JMJD6: variants seen among roughly 807,000 people sequenced by gnomAD.
JMJD6 encodes the protein jumonji domain containing 6, arginine demethylase and lysine hydroxylase.
A neutral mutation model predicts 45.8 loss-of-function variants in JMJD6; 17 were observed. That is an observed-to-expected ratio of 0.37 (90% CI 0.25 to 0.56). JMJD6 has a LOEUF of 0.56. Among genes scored for constraint, JMJD6 ranks in the 20% least tolerant of loss-of-function variants. The pLI, the probability that JMJD6 is intolerant of heterozygous loss-of-function variation, is 0.79. For missense variants in JMJD6, 470 were observed against 517.5 expected (o/e 0.91, Z 0.89); for synonymous variants, 221 against 196.3 (o/e 1.13, Z -1.05).
chr17:76,718,060 G>A (rs1197036103), downstream of JMJD6, among the ~76,000 whole-genome samples: 1 of 150,942 alleles, frequency 6.6e-6, no homozygotes, highest in Non-Finnish European at 1.5e-5. Flanking sequence ...CTACTTGGGA[G>A]GCTGAGGCAG....
downstream of JMJD6, among the ~76,000 whole-genome samples, chr17:76,717,990 C>A (rs1179582707): frequency 4.9e-5 from 7 of 141,740 alleles, no homozygotes; most frequent in East Asian, 2.1e-4. Flanking sequence ...GACTCTGTCT[C>A]AAAAAAAAAT....
intron 5 of JMJD6, 124 bp downstream of exon 5, chr17:76,720,236 A>T: frequency 2.3e-6 from 2 of 885,134 alleles, no homozygotes; most frequent in Non-Finnish European, 3.6e-6. Context: ...TGTAACCCTT[A>T]GAACAACGTG....
rs1377943890 is a variant in JMJD6, at chr17:76,725,576, AGCT to A, written c.406_408del (p.Ser136del). The A allele has an allele frequency of 6.2e-7, 1 of 1,614,012 alleles. No homozygotes were observed. The highest frequency in any genetic ancestry group is 1.1e-5 in the South Asian group (1 of 91,084). ...TTCCTTCTTTTAGGGTGTTCACCATAGCTGCTGTCAAAGATGTAAAGGGGACTA... is the reference window on the plus strand; with the variant it reads ...TTCCTTCTTTTAGGGTGTTCACCATAGCTGTCAAAGATGTAAAGGGGACTA... On this transcript the variant is annotated inframe_deletion, in exon 2 of 6. Coordinates refer to ENST00000397625, the MANE Select transcript of JMJD6 (RefSeq NM_015167.3).
chr17:76,714,851 G>C (rs2076753192), downstream of JMJD6: 1 of 152,174 alleles, frequency 6.6e-6, no homozygotes, highest in Non-Finnish European at 1.5e-5. Context: ...ATCTCACTAT[G>C]TTGCCCAGAC....
rs1455712626 is a variant in JMJD6 at position 76,718,771 on chromosome 17, G to A, written c.1170C>T (p.Ser390=). 9.9e-6 allele frequency: 16 copies of A among 1,614,098 alleles called. No homozygotes were observed. The highest frequency in any genetic ancestry group is 1.2e-5 in the Non-Finnish European group (14 of 1,180,042). Residue 390 remains serine, a synonymous_variant, in exon 6 of 6, where the codon TCC becomes TCT. Transcript: ENST00000397625. ...CSMVGNGDTT[S]QDDCVSKERS... The stretch of plus-strand genomic sequence containing the variant: ...GCTCTTTGCTGACACAGTCGTCCTG[G>A]GAGGTGGTGTCCCCGTTTCCCACCA...
At position 76,723,771 on chromosome 17, in the gene JMJD6, C is replaced by T; in HGVS notation, c.805+1G>A. 6.2e-7 allele frequency: 1 copy of T among 1,613,798 alleles called. No homozygotes were observed. ...TGTACTTTCTTCCAGTTCATCTATA[C>T]CTGGTACAAAGACAGTCTCTCCTGG... On this transcript the variant is annotated splice_donor_variant, in intron 3 of 5. Coordinates refer to ENST00000397625, the MANE Select transcript of JMJD6 (RefSeq NM_015167.3). LOFTEE classifies it high-confidence loss of function.
In JMJD6 at chr17:76,723,775, G is replaced by C. The variant is rs778790592; in HGVS notation, c.802C>G (p.Pro268Ala). ...CTTTCTTCCAGTTCATCTATACCTG[G>C]TACAAAGACAGTCTCTCCTGGTTTT... Reference protein sequence around the residue: ...LQKPGETVFVPGGWWHVVLNL... With the variant: ...LQKPGETVFVAGGWWHVVLNL... Residue 268 changes from proline (P) to alanine (A), a missense_variant, in exon 3 of 6, where the codon CCA (proline) becomes GCA (alanine). Physicochemically the swap from Pro to Ala is conservative, Grantham distance 27 (BLOSUM62 -1). This residue lies in a region of JMJD6 where 346 missense variants were observed against 339.5 expected (regional missense o/e 1.02). Coordinates refer to ENST00000397625, the MANE Select transcript of JMJD6 (RefSeq NM_015167.3). The C allele has an allele frequency of 6.8e-6, 11 of 1,613,898 alleles. No homozygotes were observed. Among genetic ancestry groups the C allele is most frequent in the Non-Finnish European group, 9.3e-6 (11 of 1,179,818 alleles).
exon 7 of JMJD6, chr17:76,713,005 TGCAGAAG>T (rs2076740765): frequency 1.3e-5 from 2 of 152,334 alleles, no homozygotes; most frequent in African/African-American, 4.8e-5. Context: ...GGCACGAGTG[TGCAGAAG>T]ACAGTCCCAG....
chr17:76,722,415 T>C (rs914855053), intron 3 of JMJD6, among the ~76,000 whole-genome samples: 22 of 152,218 alleles, frequency 1.4e-4, no homozygotes, highest in African/African-American at 4.8e-4. Context: ...AGTGCTATAC[T>C]GCATCAAAAA....
intron 1 of JMJD6, among the ~76,000 whole-genome samples, chr17:76,726,059 T>C (rs2143755952): frequency 6.6e-6 from 1 of 152,254 alleles, no homozygotes; most frequent in Non-Finnish European, 1.5e-5. Flanking sequence ...CCAGGTCCCC[T>C]AGGGGACCCG....
At chr17:76,721,386 A>AG in intron 4 of JMJD6, 1 of 388,942 alleles carries the variant, frequency 2.6e-6, no homozygotes, top group Non-Finnish European at 5.4e-6. Context: ...CTAAGTCTCC[A>AG]GGGCAGTCAC....
rs761089562 is a variant in JMJD6 at position 76,718,794 on chromosome 17, C to A, written c.1147G>T (p.Val383Leu). 6 of 1,614,144 alleles carry A rather than the reference C, an allele frequency of 3.7e-6. No individual in the cohort carries two copies. Among genetic ancestry groups the A allele is most frequent in the Non-Finnish European group, 5.1e-6 (6 of 1,180,062 alleles). Residue 383 changes from valine to leucine, a missense_variant, in exon 6 of 6, where the codon GTG becomes TTG. Val to Leu is a conservative substitution (Grantham distance 32, BLOSUM62 1). This residue lies in a region of JMJD6 where 21 missense variants were observed against 36.9 expected (regional missense o/e 0.57). Transcript: ENST00000397625. ...TGGGAGGTGGTGTCCCCGTTTCCCA[C>A]CATGCTGCACGTCCTCCTCTTCTTC... ...RRKKRRTCSM[V>L]GNGDTTSQDD...
At position 76,726,430 on chromosome 17, in the gene JMJD6, C is replaced by T. The variant is rs779934163; in HGVS notation, c.46G>A (p.Ala16Thr). The change falls in exon 1 of 6, where the codon GCG (alanine) becomes ACG (threonine). Residue 16 changes from alanine to threonine, a missense_variant. Physicochemically the swap from Ala to Thr is moderately conservative, Grantham distance 58 (BLOSUM62 0). This residue lies in a region of JMJD6 where 346 missense variants were observed against 339.5 expected (regional missense o/e 1.02). Transcript: ENST00000397625. Reference protein sequence around the residue: ...KKRIREAKRSARPELKDSLDW... With the variant: ...KKRIREAKRSTRPELKDSLDW... ...AGCGAGTCCTTGAGCTCCGGCCGCGCACTCCGCTTGGCCTCGCGGATGCGC... is the reference window on the plus strand; with the variant it reads ...AGCGAGTCCTTGAGCTCCGGCCGCGTACTCCGCTTGGCCTCGCGGATGCGC... 3 of 1,604,272 alleles carry T rather than the reference C, an allele frequency of 1.9e-6. No homozygotes were observed. Among genetic ancestry groups the T allele is most frequent in the Non-Finnish European group, 2.6e-6 (3 of 1,176,376 alleles).
rs375435405 is a variant in JMJD6, at chr17:76,726,503, A to G, written c.-28T>C. 1.4e-5 allele frequency: 22 copies of G among 1,580,292 alleles called. No homozygotes were observed. In the African/African-American group the frequency reaches 2.9e-4, roughly 21 times the overall value. On this transcript the variant is annotated 5_prime_UTR_variant, in exon 1 of 6. Coordinates refer to ENST00000397625, the MANE Select transcript of JMJD6 (RefSeq NM_015167.3). ...TGCGGGGTCGCCAGCTGGTTCCGCT[A>G]CGACCTCGGCGCAGCCCGCTTCCTG...
chr17:76,721,744 A>C, intron 4 of JMJD6, 54 bp downstream of exon 4: 2 of 1,583,216 alleles, frequency 1.3e-6, no homozygotes, highest in East Asian at 4.5e-5. Flanking sequence ...TAGCCATTTT[A>C]TCTCTGGGGT....
intron 1 of JMJD6, 117 bp from the exon 2 acceptor site, chr17:76,725,972 G>T (rs2076918303): frequency 1.5e-6 from 2 of 1,295,954 alleles, no homozygotes; most frequent in South Asian, 1.6e-5. Context: ...ACTCTCGTCT[G>T]GCTCCTCCGG....
chr17:76,717,622 G>A (rs1445103166), downstream of JMJD6, among the ~76,000 whole-genome samples: 1 of 151,776 alleles, frequency 6.6e-6, no homozygotes, highest in Non-Finnish European at 1.5e-5. Context: ...CTGAGGTGGG[G>A]GGATCACTTG....
downstream of JMJD6, chr17:76,718,353 G>A (rs2076783168): frequency 1.2e-6 from 1 of 856,222 alleles, no homozygotes; most frequent in Admixed American, 4.5e-5. Context: ...TGTGGTCAAG[G>A]ATGCACAGCA....
At chr17:76,716,849 G>C (rs2076768637), downstream of JMJD6, 2 of 830,018 alleles carry the variant, frequency 2.4e-6, no homozygotes, top group Admixed American at 2.2e-5. Context: ...GCTTTCTCCA[G>C]AGTTTTCTTA....
Sources: allele counts gnomAD v4.1 joint callset (sites outside exome capture counted in the v4.1 genomes callset), GRCh38; gene constraint gnomAD v4.1.1; regional missense constraint gnomAD v4.1.1; transcripts MANE v1.5; gene names NCBI Gene and HGNC (gene_info 2026-07-23, HGNC 2026-07-21).